SYNE1: variants seen among roughly 807,000 people sequenced by gnomAD.
SYNE1 encodes nesprin-1.
In SYNE1, 616 loss-of-function variants were observed where a neutral mutation model predicts 1,111.0. That is an observed-to-expected ratio of 0.55 (90% CI 0.52 to 0.59). The LOEUF is 0.59. SYNE1 is among the 20% of genes least tolerant of loss of function. The pLI is 0.00. For synonymous variants in SYNE1, 3,855 were observed against 3,825.8 expected (o/e 1.01, Z -0.28); for missense variants, 10,006 against 10,417.0 (o/e 0.96, Z 1.72).
intron 3 of SYNE1, among the ~76,000 whole-genome samples, chr6:152,569,915 T>C (rs1347445401): frequency 6.6e-6 from 1 of 152,190 alleles, no homozygotes; most frequent in African/African-American, 2.4e-5. Context: ...AAATACACCT[T>C]TATTAAATTA....
chr6:152,377,947 A>G (rs1591484102), intron 56 of SYNE1, among the ~76,000 whole-genome samples: 1 of 152,204 alleles, frequency 6.6e-6, no homozygotes, highest in East Asian at 1.9e-4. Context: ...GAATAGCTAC[A>G]TTACTGTGTA....
At chr6:152,366,812 C>T (rs748616141) in intron 62 of SYNE1, among the ~76,000 whole-genome samples, 13 of 152,044 alleles carry the variant, frequency 8.6e-5, no homozygotes, top group African/African-American at 2.4e-4. Flanking sequence ...TTCACAAATG[C>T]GAAAATGAAC....
intron 143 of SYNE1, among the ~76,000 whole-genome samples, chr6:152,132,541 T>A (rs778462601): frequency 6.6e-6 from 1 of 152,232 alleles, no homozygotes; most frequent in South Asian, 2.1e-4. Flanking sequence ...GGAAGACACC[T>A]GCTGTAGAGC....
intron 109 of SYNE1, 61 bp from the exon 110 acceptor site, chr6:152,236,364 A>G (rs2084040424): frequency 1.6e-6 from 2 of 1,230,448 alleles, no homozygotes; most frequent in Non-Finnish European, 2.3e-6. Flanking sequence ...TTTAAGAATT[A>G]TAATTTCTCT....
intron 42 of SYNE1, among the ~76,000 whole-genome samples, chr6:152,412,780 A>G (rs1364409236): frequency 6.6e-6 from 1 of 152,162 alleles, no homozygotes; most frequent in African/African-American, 2.4e-5. Flanking sequence ...GAAAATTAAA[A>G]GTTAAGGCTG....
At chr6:152,523,305 T>C (rs1328910779) in intron 5 of SYNE1, among the ~76,000 whole-genome samples, 1 of 152,104 alleles carries the variant, frequency 6.6e-6, no homozygotes, top group Non-Finnish European at 1.5e-5. Context: ...ATTTATTAAA[T>C]AGGATGTCAT....
chr6:152,432,890 C>T (rs1409874081), intron 34 of SYNE1, among the ~76,000 whole-genome samples: 2 of 152,038 alleles, frequency 1.3e-5, no homozygotes, highest in Non-Finnish European at 2.9e-5. Flanking sequence ...ATATGAAACT[C>T]CATGTATGCT....
At chr6:152,578,281 A>G (rs2099508137) in intron 3 of SYNE1, among the ~76,000 whole-genome samples, 1 of 152,154 alleles carries the variant, frequency 6.6e-6, no homozygotes. Context: ...ATCTTTCATT[A>G]CCACAATATA....
intron 83 of SYNE1, 86 bp from the exon 84 acceptor site, chr6:152,321,476 T>C (rs1002147074): frequency 6.7e-7 from 1 of 1,489,124 alleles, no homozygotes; most frequent in Non-Finnish European, 9.1e-7. Context: ...CATCAACATA[T>C]AATTAAGTGT....
At chr6:152,269,832 C>T (rs1198984178) in intron 98 of SYNE1, among the ~76,000 whole-genome samples, 1 of 152,156 alleles carries the variant, frequency 6.6e-6, no homozygotes, top group African/African-American at 2.4e-5. Context: ...AAAAAGTTCA[C>T]TGTTCTGTAA....
At chr6:152,437,694 A>G (rs1410171292) in intron 32 of SYNE1, among the ~76,000 whole-genome samples, 1 of 152,180 alleles carries the variant, frequency 6.6e-6, no homozygotes, top group Admixed American at 6.5e-5. Flanking sequence ...TAATAACCTA[A>G]GTGAAGAAAA....
rs1479722158 is a variant in SYNE1 at position 152,309,972 on chromosome 6, C to G, written c.17065G>C (p.Val5689Leu). 6.2e-7 allele frequency: 1 copy of G among 1,614,120 alleles called. No homozygotes were observed. The highest frequency in any genetic ancestry group is 1.1e-5 in the South Asian group (1 of 91,076). ...MESLKPKVQA[V>L]QLCQSALRIP... ...CGGAGGGCACTCTGGCAGAGCTGCA[C>G]TGCTTGCACCTTCGGCTTCAGTGAC... The change falls in exon 90 of 146, where the codon GTG becomes CTG. Residue 5689 changes from valine to leucine, a missense_variant. Physicochemically the swap from Val to Leu is conservative, Grantham distance 32 (BLOSUM62 1). Transcript: ENST00000367255.
chr6:152,381,122 G>T lies in SYNE1; in HGVS notation c.8893C>A (p.Leu2965Met). Residue 2965 changes from leucine to methionine, a missense_variant, in exon 56 of 146, where the codon CTG becomes ATG. Transcript: ENST00000367255. ...EQEFSGQVAQ[L>M]EQALEQFSAL... is the part of the protein sequence containing the mutation. ...CTGAACTGTTCCAGGGCCTGCTCCAGTTGAGCCACTTGGCCTGAGAATTCC... is the reference window on the plus strand; with the variant it reads ...CTGAACTGTTCCAGGGCCTGCTCCATTTGAGCCACTTGGCCTGAGAATTCC... 6.2e-7 allele frequency: 1 copy of T among 1,614,170 alleles called. No homozygotes were observed. The highest frequency in any genetic ancestry group is 8.5e-7 in the Non-Finnish European group (1 of 1,180,022).
chr6:152,582,806 TA>T (rs1351406876), intron 3 of SYNE1, among the ~76,000 whole-genome samples: 1 of 152,128 alleles, frequency 6.6e-6, no homozygotes, highest in East Asian at 1.9e-4. Context: ...TCATCTTTGT[TA>T]AAGAGTATAC....
In SYNE1 at chr6:152,301,807, A is replaced by G. The variant is rs1039926508; in HGVS notation, c.17541+62T>C. 3.3e-6 allele frequency: 5 copies of G among 1,511,794 alleles called. No homozygotes were observed. The South Asian group carries it at 6.4e-5, about 19-fold the overall frequency. 93.6% of individuals were successfully genotyped at this position (1,511,794 alleles called of 1,614,324 possible). On this transcript the variant is annotated intron_variant, in intron 92 of 145. Transcript: ENST00000367255. ...CTGAAATCAGCCACGGAGAGGGAAC[A>G]TGGAGCCACTCGCCAGGCTCCAGTC...
At chr6:152,286,056 C>T (rs892886041) in intron 95 of SYNE1, among the ~76,000 whole-genome samples, 2 of 152,216 alleles carry the variant, frequency 1.3e-5, no homozygotes, top group Non-Finnish European at 2.9e-5. Flanking sequence ...ACTGTAAGTG[C>T]AGTGCCTCCT....
At chr6:152,562,174 A>G (rs766711797) in intron 3 of SYNE1, among the ~76,000 whole-genome samples, 3 of 152,202 alleles carry the variant, frequency 2.0e-5, no homozygotes, top group African/African-American at 7.2e-5. Context: ...TAAGGGATTA[A>G]TATGCAAAAT....
chr6:152,361,470 T>G (rs2096929534), intron 64 of SYNE1, among the ~76,000 whole-genome samples: 2 of 152,194 alleles, frequency 1.3e-5, no homozygotes, highest in Admixed American at 6.5e-5. Context: ...TAGGACCTAG[T>G]GCCAGATGCA....
intron 34 of SYNE1, among the ~76,000 whole-genome samples, 171 bp from the exon 35 acceptor site, chr6:152,430,880 G>A (rs146659494): frequency 1.3e-5 from 2 of 152,132 alleles, no homozygotes; most frequent in South Asian, 2.1e-4. Context: ...GAGATATGCC[G>A]AAAATGTCTG....
Sources: gnomAD v4.1 joint callset for allele counts (sites outside exome capture counted in the v4.1 genomes callset) on GRCh38, gnomAD v4.1.1 for gene constraint, MANE v1.5 for transcripts, NCBI Gene and HGNC (gene_info 2026-07-23, HGNC 2026-07-21) for gene names.